Variants in PCDHGB4 observed in about 807,000 individuals in gnomAD.
The protein encoded by PCDHGB4 is protocadherin gamma subfamily B, 4.
In PCDHGB4, 38 loss-of-function variants were observed where a neutral mutation model predicts 60.5. The observed-to-expected ratio is 0.63, with a 90% CI of 0.48 to 0.82. The LOEUF is 0.82. Among genes scored for constraint, PCDHGB4 ranks in the 40% least tolerant of loss-of-function variants. The pLI is 0.00. For missense variants in PCDHGB4, 1,109 were observed against 1,209.6 expected, an observed-to-expected ratio of 0.92 and a Z score of 1.23; for synonymous variants, 456 against 509.7, an observed-to-expected ratio of 0.89 and a Z score of 1.42.
chr5:141,511,485 C>T lies in PCDHGB4; in HGVS notation c.*312C>T, dbSNP rs1324849800. 1.8e-5 allele frequency: 8 copies of T among 453,300 alleles called. No individual in the cohort carries two copies. The highest frequency in any genetic ancestry group is 1.2e-4 in the African/African-American group (6 of 50,332). The allele number at this position is 453,300 out of a possible 1,614,324, so 28.1% of individuals were successfully genotyped here. A position where few individuals can be genotyped will look rare whatever the true frequency, so the allele number is the denominator to read the frequency against. On this transcript the variant is annotated 3_prime_UTR_variant, in exon 4 of 4. Coordinates refer to ENST00000519479, the MANE Select transcript of PCDHGB4 (RefSeq NM_003736.4). Reference sequence around the variant, plus strand: ...ACCCCGTTTAGTTACAGCTGAACTCCTCCATCTTCCAAATCAATCAGGCCC... The same window carrying T: ...ACCCCGTTTAGTTACAGCTGAACTCTTCCATCTTCCAAATCAATCAGGCCC...
chr5:141,404,298 C>A, intron 1 of PCDHGB4: 3 of 1,613,868 alleles, frequency 1.9e-6, no homozygotes, highest in Non-Finnish European at 2.5e-6. Flanking sequence ...AATGATAATC[C>A]ACCTGCTTTC....
intron 1 of PCDHGB4, chr5:141,408,940 A>G: frequency 1.2e-6 from 2 of 1,613,658 alleles, no homozygotes; most frequent in Non-Finnish European, 1.7e-6. Context: ...GCAGAGACGA[A>G]TATAGAATTA....
intron 1 of PCDHGB4, among the ~76,000 whole-genome samples, chr5:141,459,831 G>T (rs907978430): frequency 1.3e-5 from 2 of 152,150 alleles, no homozygotes; most frequent in Non-Finnish European, 2.9e-5. Context: ...CTTTTCATGT[G>T]TTGTCTATTT....
Position 141,477,365 on chromosome 5 carries a change from C to T in PCDHGB4, c.2398-17442C>T, listed in dbSNP as rs754438240. On this transcript the variant is annotated intron_variant, in intron 1 of 3. Transcript: ENST00000519479. The surrounding 1 kb of genome is among the most constrained non-coding windows in gnomAD (Gnocchi z 4.9). ...TTTGAAAACCAGTGCAGACCTGGAT[C>T]GGGAGACTGTGCCAGAATACAACCT... The T allele has an allele frequency of 6.2e-7, 1 of 1,614,156 alleles. No homozygotes were observed. The highest frequency in any genetic ancestry group is 1.7e-5 in the Admixed American group (1 of 60,022).
Position 141,387,782 on chromosome 5 carries a change from A to C in PCDHGB4, c.-103A>C. 2 of 1,466,298 alleles carry C rather than the reference A, an allele frequency of 1.4e-6. No individual in the cohort carries two copies. Among genetic ancestry groups the C allele is most frequent in the Non-Finnish European group, 1.8e-6 (2 of 1,100,860 alleles). The allele number at this position is 1,466,298 out of a possible 1,614,324, so 90.8% of individuals were successfully genotyped here. ...AAGAAGAATTTTTTCTTGAACTGGA[A>C]CTGCAACTAAAGTCCGTTCGGAGAT... is the stretch of plus-strand genomic sequence containing the variant. On this transcript the variant is annotated 5_prime_UTR_variant, in exon 1 of 4. Coordinates refer to ENST00000519479, the MANE Select transcript of PCDHGB4 (RefSeq NM_003736.4).
In PCDHGB4 at chr5:141,476,178, T is replaced by G; in HGVS notation, c.2398-18629T>G. Reference sequence around the variant, plus strand: ...ACCGGGAGGGTAGTGGGAGTTTTGCTTCTGCTTGGTGCCTTGAACAAGGCT... The same window carrying G: ...ACCGGGAGGGTAGTGGGAGTTTTGCGTCTGCTTGGTGCCTTGAACAAGGCT... On this transcript the variant is annotated intron_variant, in intron 1 of 3. Transcript: ENST00000519479. This position sits in a 1 kb window ranked among gnomAD's most constrained non-coding sequence, Gnocchi z 7.6. The G allele has an allele frequency of 3.1e-6, 5 of 1,613,632 alleles. No homozygotes were observed. Among genetic ancestry groups the G allele is most frequent in the Non-Finnish European group, 4.2e-6 (5 of 1,180,000 alleles).
intron 1 of PCDHGB4, chr5:141,394,026 G>A (rs745343207): frequency 6.2e-7 from 1 of 1,613,494 alleles, no homozygotes; most frequent in Admixed American, 1.7e-5. Context: ...TTATAGATTA[G>A]TGACAAGGAA....
Position 141,431,297 on chromosome 5 carries a change from C to G in PCDHGB4, c.2397+41016C>G. Reference sequence around the variant, plus strand: ...GCTCAGCCCGAACACTCACTTCTCCCTCATCGTGCAAAATGGAGCCGACGG... The same window carrying G: ...GCTCAGCCCGAACACTCACTTCTCCGTCATCGTGCAAAATGGAGCCGACGG... On this transcript the variant is annotated intron_variant, in intron 1 of 3. Transcript: ENST00000519479. The surrounding 1 kb of genome is among the most constrained non-coding windows in gnomAD (Gnocchi z 4.8). The G allele has an allele frequency of 6.2e-7, 1 of 1,614,126 alleles. No individual in the cohort carries two copies. The highest frequency in any genetic ancestry group is 8.5e-7 in the Non-Finnish European group (1 of 1,180,036).
chr5:141,410,849 C>CTTTTTTTTCTTTTTT (rs2095433387), intron 1 of PCDHGB4: 1 of 129,786 alleles, frequency 7.7e-6, no homozygotes, highest in African/African-American at 6.0e-5. Context: ...TTGTCTTTGT[C>CTTTTTTTTCTTTTTT]TTTTTTTTTT....
intron 1 of PCDHGB4, among the ~76,000 whole-genome samples, chr5:141,463,527 G>C (rs12109431): frequency 1.5e-5 from 2 of 131,102 alleles, no homozygotes; most frequent in Non-Finnish European, 3.1e-5. Context: ...CGGCTTACTA[G>C]AAACTCCGGC....
intron 1 of PCDHGB4, chr5:141,415,234 A>G: frequency 1.2e-6 from 2 of 1,614,136 alleles, no homozygotes; most frequent in Non-Finnish European, 1.7e-6. Context: ...GTCTCCAGCT[A>G]ACTCTGAAAC....
At chr5:141,427,733 C>T (rs2097062553) in intron 1 of PCDHGB4, 2 of 1,200,562 alleles carry the variant, frequency 1.7e-6, no homozygotes, top group East Asian at 4.7e-5. Context: ...GGCTGAATGG[C>T]CAAGTCTCCT....
At position 141,424,020 on chromosome 5, in the gene PCDHGB4, C is replaced by A. The variant is rs1326303938; in HGVS notation, c.2397+33739C>A. ...TATATAGATACAAATTAATGATTCA[C>A]AAACACTTTTTATTTCCATTTCAAT... On this transcript the variant is annotated intron_variant, in intron 1 of 3. Coordinates refer to ENST00000519479, the MANE Select transcript of PCDHGB4 (RefSeq NM_003736.4). 3 of 1,050,122 alleles carry A rather than the reference C, an allele frequency of 2.9e-6. No individual in the cohort carries two copies. In the East Asian group the frequency reaches 2.2e-4, roughly 77 times the overall value. The allele number at this position is 1,050,122 out of a possible 1,614,324, so 65.1% of individuals were successfully genotyped here. A position where few individuals can be genotyped will look rare whatever the true frequency, so the allele number is the denominator to read the frequency against.
At chr5:141,464,676 T>A (rs1337677151) in intron 1 of PCDHGB4, among the ~76,000 whole-genome samples, 1 of 152,176 alleles carries the variant, frequency 6.6e-6, no homozygotes. Flanking sequence ...ATAATTTTAA[T>A]TAAAATTTCT....
chr5:141,413,217 C>A (rs762828191), intron 1 of PCDHGB4: 8 of 1,613,184 alleles, frequency 5.0e-6, no homozygotes, highest in African/African-American at 1.3e-5. Context: ...CAAAGGATTG[C>A]AGCGGGCTGG....
In PCDHGB4 at chr5:141,488,435, C is replaced by T. The variant is rs111661764; in HGVS notation, c.2398-6372C>T. Among the ~76,000 whole-genome samples, 87 of 152,276 alleles carry T rather than the reference C, an allele frequency of 5.7e-4. 1 individual carries two copies. The highest frequency in any genetic ancestry group is 1.6e-3 in the African/African-American group (67 of 41,546). On this transcript the variant is annotated intron_variant, in intron 1 of 3. Transcript: ENST00000519479. ...AAGCCATCCATGCTTGGCCTCTGAC[C>T]ACCCTCCTGGGTGACCTGATTCAGC...
intron 1 of PCDHGB4, chr5:141,426,648 A>G (rs1224402025): frequency 2.4e-6 from 1 of 418,088 alleles, no homozygotes; most frequent in Non-Finnish European, 4.9e-6. Flanking sequence ...AAATGTGATG[A>G]TAGAAGATAT....
intron 1 of PCDHGB4, chr5:141,440,369 G>A (rs2098171994): frequency 6.6e-6 from 1 of 152,156 alleles, no homozygotes; most frequent in African/African-American, 2.4e-5. Context: ...GGGGGGCCGA[G>A]GCAGGAGAAT....
rs755706235 is a variant in PCDHGB4 at position 141,476,450 on chromosome 5, G to A, written c.2398-18357G>A. ...TTGCACTGTAACTCTGGAGTTGGTA[G>A]TGGAGAACCCGCTGGAGCTGTTCAG... On this transcript the variant is annotated intron_variant, in intron 1 of 3. Transcript: ENST00000519479. The surrounding 1 kb of genome is among the most constrained non-coding windows in gnomAD (Gnocchi z 7.6). The A allele has an allele frequency of 6.2e-7, 1 of 1,614,180 alleles. No individual in the cohort carries two copies. The highest frequency in any genetic ancestry group is 8.5e-7 in the Non-Finnish European group (1 of 1,180,040).
Sources: gnomAD v4.1 joint callset for allele counts (sites outside exome capture counted in the v4.1 genomes callset) on GRCh38, gnomAD v4.1.1 for gene constraint, Gnocchi (gnomAD v3.1) non-coding constraint, MANE v1.5 for transcripts, NCBI Gene and HGNC (gene_info 2026-07-23, HGNC 2026-07-21) for gene names.